The following ALG8 variants were observed in gnomAD, a reference collection of about 807,000 sequenced individuals.
ALG8 encodes the protein dolichyl pyrophosphate Glc1Man9GlcNAc2 alpha-1,3-glucosyltransferase.
A neutral mutation model predicts 70.2 loss-of-function variants in ALG8; 48 were observed. That is an observed-to-expected ratio of 0.68 (90% CI 0.54 to 0.87). The LOEUF (loss-of-function observed/expected upper bound fraction) is 0.87, where lower values mean the gene tolerates loss of function less well. Among genes scored for constraint, ALG8 ranks in the 40% least tolerant of loss-of-function variants. ALG8 has a pLI of 0.00. For synonymous variants in ALG8, 234 were observed against 229.0 expected (o/e 1.02, Z -0.20); for missense variants, 572 against 608.7 (o/e 0.94, Z 0.64).
chr11:78,112,118 A>C (rs952056402), intron 8 of ALG8, among the ~76,000 whole-genome samples: 3 of 152,042 alleles, frequency 2.0e-5, no homozygotes, highest in Non-Finnish European at 4.4e-5. Flanking sequence ...AAAAAACAAA[A>C]ATTTAAAAAT....
At position 78,114,312 on chromosome 11, in the gene ALG8, A is replaced by C. The variant is rs183585747; in HGVS notation, c.627T>G (p.Tyr209Ter). 1 of 1,614,044 alleles carries C rather than the reference A, an allele frequency of 6.2e-7. No homozygotes were observed. The highest frequency in any genetic ancestry group is 8.5e-7 in the Non-Finnish European group (1 of 1,180,016). Residue 209 changes from tyrosine to a stop codon, truncating the protein, a stop_gained, in exon 6 of 13, where the codon TAT becomes TAG. Transcript: ENST00000299626. LOFTEE classifies it high-confidence loss of function. ...KHIYLYVAPA[Y>*]GVYLLRSYCF... ...AGTAGGATCGCAGCAGATATACACCATAAGCTGGTGCTACATAGAGGTAGA... is the reference window on the plus strand; with the variant it reads ...AGTAGGATCGCAGCAGATATACACCCTAAGCTGGTGCTACATAGAGGTAGA...
chr11:78,102,750 T>C (rs572232), intron 12 of ALG8: 33,318 of 150,870 alleles, frequency 0.22, 4,502 homozygotes, highest in African/African-American at 0.38. Context: ...GTCAGGAGTT[T>C]GAGACCAGCC....
At chr11:78,105,954 C>G (rs777693749) in intron 10 of ALG8, among the ~76,000 whole-genome samples, 1 of 151,994 alleles carries the variant, frequency 6.6e-6, no homozygotes, top group African/African-American at 2.4e-5. Flanking sequence ...AGTGAACCAC[C>G]GCTTCAGCCT....
chr11:78,139,611 C>T lies in ALG8; in HGVS notation c.-23G>A, dbSNP rs1565368866. ...CATTGCTGCGGCACCGCACGCTTCC[C>T]ACCAACTTGATCCACATCCGGGATC... On this transcript the variant is annotated 5_prime_UTR_variant, in exon 1 of 13. Transcript: ENST00000299626. 1.9e-6 allele frequency: 3 copies of T among 1,550,666 alleles called. No individual in the cohort carries two copies. Among genetic ancestry groups the T allele is most frequent in the Non-Finnish European group, 8.7e-7 (1 of 1,146,140 alleles).
intron 12 of ALG8, among the ~76,000 whole-genome samples, chr11:78,101,742 C>T (rs1859805314): frequency 6.6e-6 from 1 of 152,298 alleles, no homozygotes; most frequent in South Asian, 2.1e-4. Flanking sequence ...TTAGCTCAAG[C>T]TGCTCAGAGA....
chr11:78,129,514 TG>T (rs1489405892), intron 1 of ALG8, among the ~76,000 whole-genome samples: 2 of 152,036 alleles, frequency 1.3e-5, no homozygotes, highest in African/African-American at 4.8e-5. Flanking sequence ...AAATAAATTG[TG>T]GTGTTTTCAC....
At chr11:78,116,764 C>T (rs1002795078) in intron 5 of ALG8, among the ~76,000 whole-genome samples, 4 of 152,172 alleles carry the variant, frequency 2.6e-5, no homozygotes, top group South Asian at 2.1e-4. Flanking sequence ...ACAGGAATTT[C>T]GGAAGGATTA....
At chr11:78,134,789 G>A (rs1422352866) in intron 1 of ALG8, among the ~76,000 whole-genome samples, 1 of 152,142 alleles carries the variant, frequency 6.6e-6, no homozygotes, top group African/African-American at 2.4e-5. Context: ...ACATGCTCAG[G>A]CTCCACTTCT....
intron 11 of ALG8, 57 bp from the exon 12 acceptor site, chr11:78,104,109 T>C: frequency 8.8e-7 from 1 of 1,134,380 alleles, no homozygotes; most frequent in African/African-American, 1.5e-5. Flanking sequence ...AGACTTATGA[T>C]GCTGAAAGTA....
intron 12 of ALG8, among the ~76,000 whole-genome samples, chr11:78,101,602 G>T (rs971388364): frequency 6.6e-6 from 1 of 152,146 alleles, no homozygotes; most frequent in African/African-American, 2.4e-5. Context: ...CTGGGCGACA[G>T]AGTGAGACTC....
intron 9 of ALG8, among the ~76,000 whole-genome samples, chr11:78,108,329 G>A (rs570451843): frequency 6.6e-6 from 1 of 152,104 alleles, no homozygotes; most frequent in South Asian, 2.1e-4. Context: ...ACAATTAGCT[G>A]GGTGCAGTGG....
At chr11:78,109,962 T>G (rs1860208148) in intron 8 of ALG8, among the ~76,000 whole-genome samples, 1 of 152,198 alleles carries the variant, frequency 6.6e-6, no homozygotes, top group African/African-American at 2.4e-5. Flanking sequence ...TAGTATCCAG[T>G]GTCTTCCATG....
intron 7 of ALG8, among the ~76,000 whole-genome samples, 191 bp downstream of exon 7, chr11:78,113,695 A>G (rs915942897): frequency 5.0e-5 from 7 of 138,978 alleles, no homozygotes; most frequent in Non-Finnish European, 1.5e-5. Flanking sequence ...CCTGGGCGAC[A>G]CAGTGAGACT....
Position 78,101,024 on chromosome 11 carries a change from C to T in ALG8, c.1521G>A (p.Trp507Ter). ...VYCAVGITYA[W>*]FKLYVSVLID... ...TCAATACTGAAACATACAGTTTGAA[C>T]CAAGCATATGTGATGCCTACTGCAC... Residue 507 changes from tryptophan to a stop codon, truncating the protein, a stop_gained, in exon 13 of 13, where the codon TGG becomes TGA. Coordinates refer to ENST00000299626, the MANE Select transcript of ALG8 (RefSeq NM_024079.5). LOFTEE classifies it high-confidence loss of function. 1 of 1,614,190 alleles carries T rather than the reference C, an allele frequency of 6.2e-7. No individual in the cohort carries two copies. Among genetic ancestry groups the T allele is most frequent in the Non-Finnish European group, 8.5e-7 (1 of 1,180,034 alleles).
Position 78,124,037 on chromosome 11 carries a change from C to A in ALG8, c.352G>T (p.Val118Leu). Residue 118 changes from valine to leucine, a missense_variant, in exon 3 of 13, where the codon GTG becomes TTG. Transcript: ENST00000299626. ...FSVIFMDVLF[V>L]YAVRECCKCI... ...CAGACTTACTCACGGACAGCATACA[C>A]AAAGAGTACATCCATAAAGATGACG... is the stretch of plus-strand genomic sequence containing the variant. The A allele has an allele frequency of 6.2e-7, 1 of 1,614,058 alleles. No individual in the cohort carries two copies. Among genetic ancestry groups the A allele is most frequent in the Non-Finnish European group, 8.5e-7 (1 of 1,180,006 alleles).
In ALG8 at chr11:78,103,997, T is replaced by C. The variant is rs1859911353; in HGVS notation, c.1332A>G (p.Ser444=). Residue 444 remains serine (S), a synonymous_variant, in exon 12 of 13, where the codon TCA becomes TCG. Transcript: ENST00000299626. ...MLLFTIYSIS[S]LKTLFRKEKP... ...TTGATTACCTGAATAAAGTCTTCAG[T>C]GACGAAATACTATATATGGTGAATA... is the stretch of plus-strand genomic sequence containing the variant. 4 of 1,496,322 alleles carry C rather than the reference T, an allele frequency of 2.7e-6. No homozygotes were observed. The East Asian group carries it at 9.1e-5, about 34-fold the overall frequency. The allele number at this position is 1,496,322 out of a possible 1,614,324, so 92.7% of individuals were successfully genotyped here. A position where few individuals can be genotyped will look rare whatever the true frequency, so the allele number is the denominator to read the frequency against.
chr11:78,119,789 C>T (rs1174899946), intron 4 of ALG8, among the ~76,000 whole-genome samples: 2 of 152,048 alleles, frequency 1.3e-5, no homozygotes, highest in Non-Finnish European at 2.9e-5. Context: ...GAAGCAAACA[C>T]CATAGTCAGA....
At chr11:78,135,304 G>A (rs1861493102) in intron 1 of ALG8, 1 of 151,336 alleles carries the variant, frequency 6.6e-6, no homozygotes. Flanking sequence ...GCAGTGAGAT[G>A]AGATCATGCT....
At chr11:78,101,927 C>A (rs1308594357) in intron 12 of ALG8, among the ~76,000 whole-genome samples, 1 of 152,160 alleles carries the variant, frequency 6.6e-6, no homozygotes, top group African/African-American at 2.4e-5. Flanking sequence ...CTGCAACCTC[C>A]ACCTCCTGGG....
Sources: gnomAD v4.1 joint callset for allele counts (sites outside exome capture counted in the v4.1 genomes callset) on GRCh38, gnomAD v4.1.1 for gene constraint, MANE v1.5 for transcripts, NCBI Gene and HGNC (gene_info 2026-07-23, HGNC 2026-07-21) for gene names.